Variants in MACROD2 observed in about 807,000 individuals in gnomAD.
The protein encoded by MACROD2 is ADP-ribose glycohydrolase MACROD2.
Under a neutral mutation model 70.4 loss-of-function variants are expected in MACROD2, and 36 were observed. That is an observed-to-expected ratio of 0.51 (90% confidence interval 0.39 to 0.68). The LOEUF is 0.68. Ranked by LOEUF, MACROD2 falls within the 30% of genes least tolerant of loss-of-function variation. The pLI is 0.00. For synonymous variants in MACROD2, 172 were observed against 178.8 expected, an observed-to-expected ratio of 0.96 and a Z score of 0.30; for missense variants, 496 against 538.4, an observed-to-expected ratio of 0.92 and a Z score of 0.78.
chr20:14,626,271 C>A (rs191936269), intron 4 of MACROD2, among the ~76,000 whole-genome samples: 1 of 152,254 alleles, frequency 6.6e-6, no homozygotes, highest in East Asian at 1.9e-4. Context: ...CCTGAGAAAC[C>A]CATGGCACGG....
intron 8 of MACROD2, among the ~76,000 whole-genome samples, chr20:15,579,011 T>C (rs184472455): frequency 1.4e-4 from 21 of 152,338 alleles, no homozygotes; most frequent in African/African-American, 4.6e-4. Context: ...GAAAATAATA[T>C]TGATTCAAGT....
intron 6 of MACROD2, among the ~76,000 whole-genome samples, chr20:15,365,899 T>G (rs1349698799): frequency 6.6e-6 from 1 of 152,226 alleles, no homozygotes; most frequent in Non-Finnish European, 1.5e-5. Flanking sequence ...CTCTTACCTT[T>G]AGCTTATTCT....
intron 3 of MACROD2, among the ~76,000 whole-genome samples, chr20:14,442,315 A>G (rs941583154): frequency 6.6e-6 from 1 of 152,014 alleles, no homozygotes; most frequent in African/African-American, 2.4e-5. Flanking sequence ...TACCTGGAAA[A>G]ATTGGAAATA....
chr20:15,042,028 G>A (rs1050142356), intron 5 of MACROD2, among the ~76,000 whole-genome samples: 4 of 152,130 alleles, frequency 2.6e-5, no homozygotes, highest in Non-Finnish European at 5.9e-5. Flanking sequence ...GAAGATTAGC[G>A]AGAGGATTTC....
chr20:14,429,455 T>A (rs928893112), intron 3 of MACROD2, among the ~76,000 whole-genome samples: 2 of 152,186 alleles, frequency 1.3e-5, no homozygotes, highest in African/African-American at 4.8e-5. Context: ...AGTGATCTAA[T>A]GGAAAGAGAT....
chr20:15,878,407 A>G (rs2064705964), intron 9 of MACROD2, among the ~76,000 whole-genome samples: 1 of 152,120 alleles, frequency 6.6e-6, no homozygotes, highest in African/African-American at 2.4e-5. Flanking sequence ...TCCTTTCCCC[A>G]GAGCTTTGGA....
chr20:15,587,034 A>G (rs2048612291), intron 8 of MACROD2, among the ~76,000 whole-genome samples: 1 of 152,232 alleles, frequency 6.6e-6, no homozygotes, highest in African/African-American at 2.4e-5. Context: ...ATATAATTCC[A>G]ATAAAATACT....
intron 8 of MACROD2, among the ~76,000 whole-genome samples, chr20:15,851,126 G>A (rs1374792687): frequency 6.6e-6 from 1 of 152,052 alleles, no homozygotes; most frequent in Non-Finnish European, 1.5e-5. Context: ...GTCCATGGAA[G>A]TAGACTGAGA....
chr20:14,483,704 C>T (rs1292189149), intron 3 of MACROD2, among the ~76,000 whole-genome samples: 2 of 152,202 alleles, frequency 1.3e-5, no homozygotes, highest in Non-Finnish European at 2.9e-5. Flanking sequence ...CCATGCCCAG[C>T]CTATCTTCTC....
At chr20:14,127,955 T>A (rs2054673336) in intron 3 of MACROD2, 7 of 513,014 alleles carry the variant, frequency 1.4e-5, no homozygotes, top group South Asian at 7.5e-5. Context: ...AAGACGTAGT[T>A]GTTGGGGAAA....
chr20:15,811,671 A>C (rs905059246), intron 8 of MACROD2, among the ~76,000 whole-genome samples: 1 of 152,082 alleles, frequency 6.6e-6, no homozygotes, highest in Non-Finnish European at 1.5e-5. Flanking sequence ...GGCCCTCAAT[A>C]ATTAAATGCT....
intron 5 of MACROD2, among the ~76,000 whole-genome samples, chr20:14,879,462 G>A (rs1345881876): frequency 6.6e-6 from 1 of 152,148 alleles, no homozygotes; most frequent in East Asian, 1.9e-4. Flanking sequence ...TGACATTTGA[G>A]ATTAACTTAC....
Position 14,417,066 on chromosome 20 carries a change from C to CATCT in MACROD2, c.272-76372_272-76369dup, listed in dbSNP as rs11405633. On this transcript the variant is annotated intron_variant, in intron 3 of 17. Coordinates refer to ENST00000684519, the MANE Select transcript of MACROD2 (RefSeq NM_001351661.2). ...ATCTATTATCTATCTATCTATCTAT[C>CATCT]ATCTATCTATCTATCTATCTATCTA... Among the ~76,000 whole-genome samples, 650 of 132,590 alleles carry CATCT rather than the reference C, an allele frequency of 4.9e-3. 2 individuals carry two copies. In the East Asian group the frequency reaches 0.057, roughly 12 times the overall value. The allele number at this position is 132,590 out of a possible 152,430, so 87.0% of individuals were successfully genotyped here.
At chr20:15,904,688 C>A (rs534988508) in intron 10 of MACROD2, among the ~76,000 whole-genome samples, 8 of 151,836 alleles carry the variant, frequency 5.3e-5, no homozygotes, top group African/African-American at 1.9e-4. Context: ...GTCAGGAGAT[C>A]GAGACCATCC....
intron 8 of MACROD2, among the ~76,000 whole-genome samples, chr20:15,630,395 T>C (rs138068458): frequency 1.3e-5 from 2 of 152,370 alleles, no homozygotes; most frequent in East Asian, 3.9e-4. Flanking sequence ...GTGTTTCTCT[T>C]CCTTGCAAAC....
intron 5 of MACROD2, among the ~76,000 whole-genome samples, chr20:14,816,044 G>A (rs946264537): frequency 3.3e-5 from 5 of 151,956 alleles, no homozygotes; most frequent in Non-Finnish European, 7.4e-5. Flanking sequence ...TTTCCATCAC[G>A]TGTTTTTCTG....
chr20:14,584,836 A>C (rs1981266408), intron 4 of MACROD2, among the ~76,000 whole-genome samples: 1 of 152,204 alleles, frequency 6.6e-6, no homozygotes, highest in African/African-American at 2.4e-5. Context: ...TAAACTAGAA[A>C]TTATTGTCAG....
At chr20:15,709,217 T>C (rs1257211489) in intron 8 of MACROD2, among the ~76,000 whole-genome samples, 1 of 152,188 alleles carries the variant, frequency 6.6e-6, no homozygotes, top group African/African-American at 2.4e-5. Context: ...AAAGTCGGGC[T>C]GTGGTGGCCC....
Position 14,326,618 on chromosome 20 carries a change from T to C in MACROD2, c.272-166861T>C. 1 of 1,613,868 alleles carries C rather than the reference T, an allele frequency of 6.2e-7. No individual in the cohort carries two copies. Among genetic ancestry groups the C allele is most frequent in the Non-Finnish European group, 8.5e-7 (1 of 1,179,842 alleles). The stretch of plus-strand genomic sequence containing the variant: ...TTGTTGCGAAGAATCAGTTGTGTTA[T>C]ATTGTCCAAATCATCAAAGATACCC... On this transcript the variant is annotated intron_variant, in intron 3 of 17. Coordinates refer to ENST00000684519, the MANE Select transcript of MACROD2 (RefSeq NM_001351661.2). This position sits in a 1 kb window ranked among gnomAD's most constrained non-coding sequence, Gnocchi z 5.5.
Sources: allele counts gnomAD v4.1 joint callset (sites outside exome capture counted in the v4.1 genomes callset), GRCh38; gene constraint gnomAD v4.1.1; non-coding constraint Gnocchi (gnomAD v3.1); transcripts MANE v1.5; gene names NCBI Gene and HGNC (gene_info 2026-07-23, HGNC 2026-07-21).